UNC5D: variants seen among roughly 807,000 people sequenced by gnomAD.
UNC5D encodes unc-5 netrin receptor D.
A neutral mutation model predicts 105.4 loss-of-function variants in UNC5D; 39 were observed. That is an observed-to-expected ratio of 0.37 (90% CI 0.29 to 0.48). The LOEUF is 0.48. UNC5D is among the 20% of genes least tolerant of loss of function. UNC5D has a pLI of 0.98. For missense variants in UNC5D, 991 were observed against 1,202.4 expected (o/e 0.82, Z 2.60); for synonymous variants, 452 against 450.4 (o/e 1.00, Z -0.04).
chr8:35,445,661 A>C (rs970230858), intron 1 of UNC5D, among the ~76,000 whole-genome samples: 2 of 152,088 alleles, frequency 1.3e-5, no homozygotes, highest in Non-Finnish European at 2.9e-5. Flanking sequence ...TCTATAACCC[A>C]GTAGTCTAAA....
intron 1 of UNC5D, among the ~76,000 whole-genome samples, chr8:35,542,722 A>C (rs1414551285): frequency 1.3e-5 from 2 of 152,216 alleles, no homozygotes; most frequent in African/African-American, 4.8e-5. Flanking sequence ...TAATATAGCT[A>C]CAGGGAGCAA....
chr8:35,357,610 T>C (rs1801634905), intron 1 of UNC5D, among the ~76,000 whole-genome samples: 1 of 152,182 alleles, frequency 6.6e-6, no homozygotes, highest in Non-Finnish European at 1.5e-5. Flanking sequence ...GCTTATTTCC[T>C]AGTCTGTATC....
At chr8:35,437,701 A>G (rs1383335307) in intron 1 of UNC5D, among the ~76,000 whole-genome samples, 1 of 152,078 alleles carries the variant, frequency 6.6e-6, no homozygotes, top group African/African-American at 2.4e-5. Flanking sequence ...GGCTATAGAA[A>G]AGAGATCTAT....
intron 1 of UNC5D, among the ~76,000 whole-genome samples, chr8:35,421,680 A>G (rs1485431252): frequency 2.6e-5 from 4 of 152,194 alleles, no homozygotes. Flanking sequence ...ACACATATGT[A>G]TATATCATAT....
At chr8:35,240,161 G>T (rs1324933317) in intron 1 of UNC5D, among the ~76,000 whole-genome samples, 1 of 152,204 alleles carries the variant, frequency 6.6e-6, no homozygotes, top group African/African-American at 2.4e-5. Context: ...TTTTGCCCAG[G>T]TTGGTCTTGA....
At chr8:35,651,399 A>G (rs941002177) in intron 4 of UNC5D, among the ~76,000 whole-genome samples, 7 of 152,236 alleles carry the variant, frequency 4.6e-5, no homozygotes, top group Non-Finnish European at 5.9e-5. Flanking sequence ...AGAGGTAAAC[A>G]CAGTTGAGAG....
intron 1 of UNC5D, among the ~76,000 whole-genome samples, chr8:35,426,780 C>A (rs1319092662): frequency 6.6e-6 from 1 of 152,088 alleles, no homozygotes; most frequent in Non-Finnish European, 1.5e-5. Context: ...GTTCCAGAAC[C>A]ATTATTGTTA....
At chr8:35,488,520 G>A (rs1395906872) in intron 1 of UNC5D, among the ~76,000 whole-genome samples, 1 of 152,146 alleles carries the variant, frequency 6.6e-6, no homozygotes, top group African/African-American at 2.4e-5. Flanking sequence ...AGGGCCTTGG[G>A]GACTGGGCTG....
intron 13 of UNC5D, 50 bp from the exon 14 acceptor site, chr8:35,759,270 G>A (rs368056776): frequency 1.3e-4 from 208 of 1,591,926 alleles, no homozygotes; most frequent in Non-Finnish European, 1.4e-4. Context: ...AAATATGTAA[G>A]TAGCAGGATA....
At chr8:35,347,370 A>C (rs1811879889) in intron 1 of UNC5D, among the ~76,000 whole-genome samples, 1 of 151,966 alleles carries the variant, frequency 6.6e-6, no homozygotes. Context: ...TTTTGCTTAC[A>C]TGTGTGATGA....
At chr8:35,688,474 C>T (rs1186666013) in intron 7 of UNC5D, among the ~76,000 whole-genome samples, 2 of 152,158 alleles carry the variant, frequency 1.3e-5, no homozygotes, top group African/African-American at 4.8e-5. Flanking sequence ...TTGAAATGAG[C>T]ACTTCCTGAT....
chr8:35,380,345 C>T (rs1802972430), intron 1 of UNC5D, among the ~76,000 whole-genome samples: 1 of 151,736 alleles, frequency 6.6e-6, no homozygotes, highest in African/African-American at 2.4e-5. Flanking sequence ...ACCTTGTCTG[C>T]TAATACCATC....
At chr8:35,421,401 A>G (rs964796585) in intron 1 of UNC5D, among the ~76,000 whole-genome samples, 2 of 152,204 alleles carry the variant, frequency 1.3e-5, no homozygotes, top group African/African-American at 4.8e-5. Context: ...AGTATTGGGG[A>G]ATAAACATGA....
At chr8:35,368,588 T>C (rs1714127292) in intron 1 of UNC5D, among the ~76,000 whole-genome samples, 2 of 146,096 alleles carry the variant, frequency 1.4e-5, no homozygotes, top group African/African-American at 4.9e-5. Flanking sequence ...AATTCAATTG[T>C]ATATTATATT....
chr8:35,356,978 T>C (rs889463563), intron 1 of UNC5D, among the ~76,000 whole-genome samples: 9 of 152,122 alleles, frequency 5.9e-5, no homozygotes, highest in Non-Finnish European at 2.9e-5. Flanking sequence ...ATTTTTTTAT[T>C]TCTAGAAGTT....
At chr8:35,556,766 C>T (rs1392527051) in intron 2 of UNC5D, among the ~76,000 whole-genome samples, 1 of 152,140 alleles carries the variant, frequency 6.6e-6, no homozygotes, top group African/African-American at 2.4e-5. Context: ...TGGAGACTCC[C>T]AAGTCTGGGT....
chr8:35,441,056 G>A (rs1384947233), intron 1 of UNC5D, among the ~76,000 whole-genome samples: 1 of 151,914 alleles, frequency 6.6e-6, no homozygotes, highest in East Asian at 1.9e-4. Flanking sequence ...TTCTGTTGGT[G>A]TGACTCCCCT....
chr8:35,684,870 A>T, intron 6 of UNC5D, 121 bp downstream of exon 6: 1 of 1,280,280 alleles, frequency 7.8e-7, no homozygotes, highest in Non-Finnish European at 1.0e-6. Flanking sequence ...AGAATAGAAC[A>T]TTTATCCAAG....
At chr8:35,361,409 T>C (rs1405326557) in intron 1 of UNC5D, among the ~76,000 whole-genome samples, 1 of 152,176 alleles carries the variant, frequency 6.6e-6, no homozygotes, top group Non-Finnish European at 1.5e-5. Flanking sequence ...TGTGACCTTA[T>C]GTTAAGACTG....
Sources: allele counts gnomAD v4.1 joint callset (sites outside exome capture counted in the v4.1 genomes callset), GRCh38; gene constraint gnomAD v4.1.1; transcripts MANE v1.5; gene names NCBI Gene and HGNC (gene_info 2026-07-23, HGNC 2026-07-21).